Variants in IL2RB observed in about 807,000 individuals in gnomAD.
The protein encoded by IL2RB is interleukin 2 receptor subunit beta.
A neutral mutation model predicts 44.2 loss-of-function variants in IL2RB; 17 were observed. The observed-to-expected ratio is 0.38, with a 90% CI of 0.26 to 0.58. IL2RB has a LOEUF of 0.58. Among genes scored for constraint, IL2RB ranks in the 20% least tolerant of loss-of-function variants. The pLI is 0.63. For missense variants in IL2RB, 624 were observed against 685.5 expected (o/e 0.91, Z 1.00); for synonymous variants, 286 against 297.9 (o/e 0.96, Z 0.41).
At chr22:37,129,881 G>A (rs546757561) in intron 9 of IL2RB, among the ~76,000 whole-genome samples, 4 of 152,194 alleles carry the variant, frequency 2.6e-5, no homozygotes, top group South Asian at 2.1e-4. Flanking sequence ...CTAAGCACAG[G>A]GGCCAGGCCC....
upstream of IL2RB, among the ~76,000 whole-genome samples, chr22:37,152,709 C>T (rs189704050): frequency 5.3e-5 from 8 of 151,990 alleles, no homozygotes; most frequent in Admixed American, 2.6e-4. Flanking sequence ...CCTTTTTTGG[C>T]GGGGGAGAAG....
chr22:37,161,349 T>TCC (rs1165721236), intron 1 of IL2RB, among the ~76,000 whole-genome samples: 3 of 152,198 alleles, frequency 2.0e-5, no homozygotes, highest in Admixed American at 2.0e-4. Context: ...CCTGGATATT[T>TCC]AGTTTACATC....
At chr22:37,173,216 C>T (rs1923345959) in intron 1 of IL2RB, among the ~76,000 whole-genome samples, 1 of 152,152 alleles carries the variant, frequency 6.6e-6, no homozygotes, top group Admixed American at 6.5e-5. Context: ...AGAGGCCTTC[C>T]CTGACCACTT....
chr22:37,161,831 T>C (rs974502038), intron 1 of IL2RB: 5 of 151,998 alleles, frequency 3.3e-5, no homozygotes, highest in African/African-American at 1.2e-4. Flanking sequence ...AGTCCTGAAG[T>C]GTGTGCGTGT....
Position 37,128,944 on chromosome 22 carries a change from C to A in IL2RB, c.904-96G>T. On this transcript the variant is annotated intron_variant, in intron 9 of 9. Coordinates refer to ENST00000216223, the MANE Select transcript of IL2RB (RefSeq NM_000878.5). This position sits in a 1 kb window ranked among gnomAD's most constrained non-coding sequence, Gnocchi z 4.5. ...CAACAGCTCCTAACTCCTCCTCCTC[C>A]TGAAGCAGTTGGCCCAGGGCTGCCC... 7.1e-7 allele frequency: 1 copy of A among 1,402,644 alleles called. No individual in the cohort carries two copies. The highest frequency in any genetic ancestry group is 1.5e-5 in the South Asian group (1 of 68,960). 86.9% of individuals were successfully genotyped at this position (1,402,644 alleles called of 1,614,324 possible).
At chr22:37,149,004 C>G (rs1922361208) in intron 1 of IL2RB, among the ~76,000 whole-genome samples, 1 of 152,142 alleles carries the variant, frequency 6.6e-6, no homozygotes, top group Admixed American at 6.5e-5. Context: ...TGCTATTTAA[C>G]TTCAGGGGCT....
chr22:37,143,681 GCC>G, intron 2 of IL2RB, 46 bp from the exon 3 acceptor site: 1 of 1,357,726 alleles, frequency 7.4e-7, no homozygotes, highest in Non-Finnish European at 1.1e-6. Context: ...GGTGCCCACA[GCC>G]CCCCCAAGAC....
rs1371692544 is a variant in IL2RB, at chr22:37,131,739, CTT to C, written c.903+643_903+644del. Among the ~76,000 whole-genome samples, 719 of 143,164 alleles carry C rather than the reference CTT, an allele frequency of 5.0e-3. 4 individuals carry two copies. Among genetic ancestry groups the C allele is most frequent in the African/African-American group, 0.017 (686 of 39,268 alleles). 93.9% of individuals were successfully genotyped at this position (143,164 alleles called of 152,430 possible). ...GGCAACGGTAATACCAGATAGGGTA[CTT>C]TTTTTTTTTTTTTGAGATGGAGTCT... On this transcript the variant is annotated intron_variant, in intron 9 of 9. Coordinates refer to ENST00000216223, the MANE Select transcript of IL2RB (RefSeq NM_000878.5).
At position 37,128,190 on chromosome 22, in the gene IL2RB, TC is replaced by T; in HGVS notation, c.1561del (p.Glu521SerfsTer11). On this transcript the variant is annotated frameshift_variant, in exon 10 of 10. Transcript: ENST00000216223. LOFTEE classifies it low-confidence loss of function (END_TRUNC). This position sits in a 1 kb window ranked among gnomAD's most constrained non-coding sequence, Gnocchi z 4.5. ...CAGGCGAGCATTAAGGGCCCTGAAC[TC>T]CCCCTGCCCAGGAGGCCTGGACCAG... ...FPWSRPPGQG[E>X]FRALNARLPL... 1.3e-6 allele frequency: 2 copies of T among 1,536,986 alleles called. No homozygotes were observed. Among genetic ancestry groups the T allele is most frequent in the Non-Finnish European group, 1.7e-6 (2 of 1,146,890 alleles).
At chr22:37,130,379 G>C (rs1186852404) in intron 9 of IL2RB, among the ~76,000 whole-genome samples, 6 of 152,220 alleles carry the variant, frequency 3.9e-5, no homozygotes, top group Non-Finnish European at 5.9e-5. Flanking sequence ...TGCCCTGAAA[G>C]GGGCTTCAGG....
rs941234124 is a variant in IL2RB, at chr22:37,137,791, T to C, written c.389-56A>G. On this transcript the variant is annotated intron_variant, in intron 5 of 9. Transcript: ENST00000216223. ...TCAGCCATGACCTCCACCTCCCACT[T>C]TGTACCTGCCACTCCTCCCTCCTGG... 2.2e-5 allele frequency: 33 copies of C among 1,505,532 alleles called. 1 individual carries two copies. The highest frequency in any genetic ancestry group is 3.5e-4 in the Middle Eastern group (2 of 5,768). 93.3% of individuals were successfully genotyped at this position (1,505,532 alleles called of 1,614,324 possible).
Position 37,128,267 on chromosome 22 carries a change from C to T in IL2RB, c.1485G>A (p.Glu495=). Reference sequence around the variant, plus strand: ...CAGCGTCAGGGACCTCCTCCCCAGCCTCTCGCAGCACCAGCTCAGGGGGTG... The same window carrying T: ...CAGCGTCAGGGACCTCCTCCCCAGCTTCTCGCAGCACCAGCTCAGGGGGTG... ...FQPPPELVLR[E]AGEEVPDAGP... is the part of the protein sequence containing the mutation. Residue 495 remains glutamate (E), a synonymous_variant, in exon 10 of 10, where the codon GAG becomes GAA. Transcript: ENST00000216223. The surrounding 1 kb of genome is among the most constrained non-coding windows in gnomAD (Gnocchi z 4.5). 6.7e-7 allele frequency: 1 copy of T among 1,499,154 alleles called. No individual in the cohort carries two copies. The highest frequency in any genetic ancestry group is 8.9e-7 in the Non-Finnish European group (1 of 1,125,332). The allele number at this position is 1,499,154 out of a possible 1,614,324, so 92.9% of individuals were successfully genotyped here. A position where few individuals can be genotyped will look rare whatever the true frequency, so the allele number is the denominator to read the frequency against.
In IL2RB at chr22:37,127,839, C is replaced by T. The variant is rs781536083; in HGVS notation, c.*257G>A. 1.1e-5 allele frequency: 4 copies of T among 357,328 alleles called. No individual in the cohort carries two copies. The highest frequency in any genetic ancestry group is 2.0e-5 in the Non-Finnish European group (4 of 199,200). 22.1% of individuals were successfully genotyped at this position (357,328 alleles called of 1,614,324 possible). A position where few individuals can be genotyped will look rare whatever the true frequency, so the allele number is the denominator to read the frequency against. ...TAAATTCGTGGGATCCTGTGATTAA[C>T]GAGGGAGTTGGGGAGTTACTGCCCC... On this transcript the variant is annotated 3_prime_UTR_variant, in exon 10 of 10. Coordinates refer to ENST00000216223, the MANE Select transcript of IL2RB (RefSeq NM_000878.5).
intron 1 of IL2RB, among the ~76,000 whole-genome samples, chr22:37,160,801 TGGTGACAGAGCGAGACTG>T (rs903988406): frequency 6.7e-6 from 1 of 150,120 alleles, no homozygotes; most frequent in African/African-American, 2.5e-5. Context: ...AGTGAGATCG[TGGTGACAGAGCGAGACTG>T]GGTGACAGAG....
Position 37,128,249 on chromosome 22 carries a change from A to G in IL2RB, c.1503T>C (p.Pro501=). ...LVLREAGEEV[P]DAGPREGVSF... ...TGACTCCCTCCCTGGGGCCAGCGTC[A>G]GGGACCTCCTCCCCAGCCTCTCGCA... is the stretch of plus-strand genomic sequence containing the variant. Residue 501 remains proline (P), a synonymous_variant, in exon 10 of 10, where the codon CCT becomes CCC. Coordinates refer to ENST00000216223, the MANE Select transcript of IL2RB (RefSeq NM_000878.5). This position sits in a 1 kb window ranked among gnomAD's most constrained non-coding sequence, Gnocchi z 4.5. 2 of 1,499,770 alleles carry G rather than the reference A, an allele frequency of 1.3e-6. No homozygotes were observed. The highest frequency in any genetic ancestry group is 2.8e-5 in the South Asian group (2 of 72,356). The allele number at this position is 1,499,770 out of a possible 1,614,324, so 92.9% of individuals were successfully genotyped here.
At chr22:37,158,694 T>C (rs2146260947) in intron 1 of IL2RB, among the ~76,000 whole-genome samples, 1 of 152,342 alleles carries the variant, frequency 6.6e-6, no homozygotes, top group East Asian at 1.9e-4. Flanking sequence ...CGGTAAGCCC[T>C]GTGTTCGAAG....
intron 1 of IL2RB, among the ~76,000 whole-genome samples, chr22:37,156,362 A>C (rs777086373): frequency 6.6e-6 from 1 of 152,252 alleles, no homozygotes; most frequent in Admixed American, 6.5e-5. Flanking sequence ...GAACAGAAGA[A>C]GAAAACAGTG....
chr22:37,146,857 C>T (rs1372433414), intron 1 of IL2RB, among the ~76,000 whole-genome samples: 1 of 152,034 alleles, frequency 6.6e-6, no homozygotes, highest in African/African-American at 2.4e-5. Flanking sequence ...CCTGGATTGT[C>T]TCGTGGCTTA....
intron 9 of IL2RB, among the ~76,000 whole-genome samples, chr22:37,130,876 G>A (rs1431912235): frequency 6.6e-6 from 1 of 152,204 alleles, no homozygotes; most frequent in Admixed American, 6.5e-5. Context: ...TAAGAGTACT[G>A]CAACTAATGG....
Sources: allele counts gnomAD v4.1 joint callset (sites outside exome capture counted in the v4.1 genomes callset), GRCh38; gene constraint gnomAD v4.1.1; non-coding constraint Gnocchi (gnomAD v3.1); transcripts MANE v1.5; gene names NCBI Gene and HGNC (gene_info 2026-07-23, HGNC 2026-07-21).